PLPP3: variants seen among roughly 807,000 people sequenced by gnomAD.
PLPP3 encodes PAP2 beta.
A neutral mutation model predicts 29.6 loss-of-function variants in PLPP3; 6 were observed. The observed-to-expected ratio is 0.20, with a 90% CI of 0.11 to 0.40. The LOEUF (loss-of-function observed/expected upper bound fraction) is 0.40, where lower values mean the gene tolerates loss of function less well. Among genes scored for constraint, PLPP3 ranks in the 10% least tolerant of loss-of-function variants. The pLI, the probability that PLPP3 is intolerant of heterozygous loss-of-function variation, is 1.00. For synonymous variants in PLPP3, 152 were observed against 159.7 expected, an observed-to-expected ratio of 0.95 and a Z score of 0.36; for missense variants, 308 against 407.7, an observed-to-expected ratio of 0.76 and a Z score of 2.11.
Position 56,524,472 on chromosome 1 carries a change from T to C in PLPP3, c.380A>G (p.Tyr127Cys), listed in dbSNP as rs2100249860. 3 of 1,614,090 alleles carry C rather than the reference T, an allele frequency of 1.9e-6. No homozygotes were observed. Among genetic ancestry groups the C allele is most frequent in the Non-Finnish European group, 2.5e-6 (3 of 1,179,952 alleles). The stretch of plus-strand genomic sequence containing the variant: ...AAAGAGGAAGCAGCCCACTTGCTTA[T>C]AGAGTGCTGCCACGTAGGGGTTCTG... Reference protein sequence around the residue: ...TIQNPYVAALYKQVGCFLFGC... With the variant: ...TIQNPYVAALCKQVGCFLFGC... Residue 127 changes from tyrosine (Y) to cysteine (C), a missense_variant, in exon 3 of 6, where the codon TAT becomes TGT. Physicochemically the swap from Tyr to Cys is radical, Grantham distance 194 (BLOSUM62 -2). Transcript: ENST00000371250. The surrounding 1 kb of genome is among the most constrained non-coding windows in gnomAD (Gnocchi z 4.3).
At chr1:56,529,336 A>C (rs1645871811) in intron 2 of PLPP3, among the ~76,000 whole-genome samples, 1 of 152,114 alleles carries the variant, frequency 6.6e-6, no homozygotes, top group Admixed American at 6.6e-5. Context: ...AGGCAGTAGT[A>C]TGTATGTCTC....
chr1:56,521,234 C>CAAAAAAAAAA (rs765448174), intron 4 of PLPP3, among the ~76,000 whole-genome samples: 1 of 54,768 alleles, frequency 1.8e-5, no homozygotes, highest in African/African-American at 6.8e-5. Context: ...GACTCTGTCT[C>CAAAAAAAAAA]AAAAAAAAAA....
intron 1 of PLPP3, among the ~76,000 whole-genome samples, chr1:56,541,830 C>T (rs1259988266): frequency 6.6e-6 from 1 of 152,126 alleles, no homozygotes; most frequent in Non-Finnish European, 1.5e-5. Context: ...ATGGCACTGG[C>T]TCAAGTTAAC....
At chr1:56,498,311 G>C (rs905668466) in intron 5 of PLPP3, among the ~76,000 whole-genome samples, 1 of 152,156 alleles carries the variant, frequency 6.6e-6, no homozygotes, top group Non-Finnish European at 1.5e-5. Flanking sequence ...TAGGCTCTAG[G>C]CTCCCCTGCC....
chr1:56,557,381 G>A (rs11206844), intron 1 of PLPP3, among the ~76,000 whole-genome samples: 120,192 of 151,176 alleles, frequency 0.8, 48,669 homozygotes, highest in Non-Finnish European at 0.88. Flanking sequence ...CTTCTCAAAA[G>A]AAAAAGGAAA....
In PLPP3 at chr1:56,579,233, C is replaced by T; in HGVS notation, c.-217G>A. The T allele has an allele frequency of 3.6e-6, 2 of 554,566 alleles. No individual in the cohort carries two copies. Among genetic ancestry groups the T allele is most frequent in the Non-Finnish European group, 6.1e-6 (2 of 326,136 alleles). 34.4% of individuals were successfully genotyped at this position (554,566 alleles called of 1,614,324 possible). On this transcript the variant is annotated 5_prime_UTR_variant, in exon 1 of 6. Transcript: ENST00000371250. The stretch of plus-strand genomic sequence containing the variant: ...TCCTCCTGCGCGCCTCTGCTTTCCT[C>T]TGTCAACCCTAAATCGTTCTAAAGT...
chr1:56,505,984 C>G (rs1394639236), intron 5 of PLPP3, among the ~76,000 whole-genome samples: 2 of 152,186 alleles, frequency 1.3e-5, no homozygotes, highest in Non-Finnish European at 2.9e-5. Context: ...ATGTTTCTGC[C>G]TGCCTAAGAG....
At chr1:56,507,709 A>C (rs895344039) in intron 5 of PLPP3, among the ~76,000 whole-genome samples, 2 of 152,182 alleles carry the variant, frequency 1.3e-5, no homozygotes, top group South Asian at 2.1e-4. Context: ...TACATGATAA[A>C]ATGAGATTAA....
intron 5 of PLPP3, among the ~76,000 whole-genome samples, chr1:56,500,651 C>T (rs138299079): frequency 6.6e-6 from 1 of 152,122 alleles, no homozygotes; most frequent in African/African-American, 2.4e-5. Context: ...TTCTTTTGGC[C>T]CTAGGAATCA....
chr1:56,550,959 C>T (rs1646034152), intron 1 of PLPP3, among the ~76,000 whole-genome samples: 2 of 152,074 alleles, frequency 1.3e-5, no homozygotes, highest in African/African-American at 2.4e-5. Context: ...GCAAGGCCCC[C>T]GGAATTGTTC....
intron 1 of PLPP3, among the ~76,000 whole-genome samples, chr1:56,571,445 T>TGCTATTCC (rs563286138): frequency 1.5e-4 from 23 of 152,274 alleles, no homozygotes; most frequent in African/African-American, 5.3e-4. Flanking sequence ...CCAAAGCCCG[T>TGCTATTCC]GCTATTCCCC....
At chr1:56,570,276 T>C (rs1000230171) in intron 1 of PLPP3, among the ~76,000 whole-genome samples, 2 of 152,234 alleles carry the variant, frequency 1.3e-5, no homozygotes, top group South Asian at 2.1e-4. Flanking sequence ...AATGTAATAG[T>C]GTATTATGTG....
At chr1:56,546,660 T>C (rs548528560) in intron 1 of PLPP3, among the ~76,000 whole-genome samples, 14 of 152,296 alleles carry the variant, frequency 9.2e-5, no homozygotes, top group Non-Finnish European at 1.8e-4. Flanking sequence ...AGAAGCTAAG[T>C]AACTTGCCAA....
chr1:56,533,523 C>G (rs1410156051), intron 2 of PLPP3, among the ~76,000 whole-genome samples: 3 of 152,148 alleles, frequency 2.0e-5, no homozygotes, highest in South Asian at 4.1e-4. Context: ...TCTGGCCATG[C>G]CACTACTTAG....
chr1:56,508,411 G>A (rs1445211684), intron 5 of PLPP3, among the ~76,000 whole-genome samples: 2 of 152,180 alleles, frequency 1.3e-5, no homozygotes, highest in African/African-American at 4.8e-5. Context: ...TCAATTAACA[G>A]GGAGTCCGTA....
intron 1 of PLPP3, among the ~76,000 whole-genome samples, chr1:56,559,503 C>T (rs562774239): frequency 6.6e-6 from 1 of 151,658 alleles, no homozygotes; most frequent in African/African-American, 2.4e-5. Context: ...CCTCCCACCT[C>T]GGCCTCCCAA....
chr1:56,554,388 C>T (rs1207137243), intron 1 of PLPP3, among the ~76,000 whole-genome samples: 11 of 151,870 alleles, frequency 7.2e-5, no homozygotes, highest in Admixed American at 2.6e-4. Flanking sequence ...CTGGCTAACA[C>T]GGTGAAACCC....
chr1:56,512,369 CG>C, intron 4 of PLPP3: 1 of 468,340 alleles, frequency 2.1e-6, no homozygotes, highest in Non-Finnish European at 3.7e-6. Flanking sequence ...CCCAGCACTT[CG>C]TGTGGCTGAG....
chr1:56,545,690 A>AT (rs1646001308), intron 1 of PLPP3, among the ~76,000 whole-genome samples: 1 of 152,064 alleles, frequency 6.6e-6, no homozygotes, highest in South Asian at 2.1e-4. Flanking sequence ...AAATACATTT[A>AT]TTTTTATTTT....
Sources: gnomAD v4.1 joint callset for allele counts (sites outside exome capture counted in the v4.1 genomes callset) on GRCh38, gnomAD v4.1.1 for gene constraint, Gnocchi (gnomAD v3.1) non-coding constraint, MANE v1.5 for transcripts, NCBI Gene and HGNC (gene_info 2026-07-23, HGNC 2026-07-21) for gene names.